The following PLS3 variants were observed in gnomAD, a reference collection of about 807,000 sequenced individuals.
PLS3 encodes the protein plastin-3.
In PLS3, 11 loss-of-function variants were observed where a neutral mutation model predicts 46.5. The ratio of observed to expected loss-of-function variants is 0.24; its 90% CI spans 0.15 to 0.39. PLS3 has a LOEUF of 0.39. Ranked by LOEUF, PLS3 falls within the 10% of genes least tolerant of loss-of-function variation. PLS3 has a pLI of 1.00. For synonymous variants in PLS3, 167 were observed against 162.2 expected, an observed-to-expected ratio of 1.03 and a Z score of -0.22; for missense variants, 308 against 461.8, an observed-to-expected ratio of 0.67 and a Z score of 3.05.
intron 1 of PLS3, among the ~76,000 whole-genome samples, chrX:115,599,903 T>TA (rs1556634351): frequency 9.0e-6 from 1 of 111,020 alleles, no homozygotes; most frequent in African/African-American, 3.3e-5. Context: ...GTGCTGAGAT[T>TA]ACAGGCATGA....
intron 7 of PLS3, among the ~76,000 whole-genome samples, chrX:115,636,170 C>A (rs1444681895): frequency 1.8e-5 from 2 of 110,169 alleles, no homozygotes; most frequent in African/African-American, 6.6e-5. Flanking sequence ...GTAAAAGATT[C>A]CCAAATTGTA....
At chrX:115,607,580 C>T (rs1399843601) in intron 1 of PLS3, among the ~76,000 whole-genome samples, 4 of 109,089 alleles carry the variant, frequency 3.7e-5, no homozygotes, top group African/African-American at 1.0e-4. Flanking sequence ...CTCACTGCAA[C>T]CTCTACCTCC....
chrX:115,643,173 TGCATTCAAAACAA>T, intron 9 of PLS3, 127 bp from the exon 10 acceptor site: 4 of 441,425 alleles, frequency 9.1e-6, no homozygotes, highest in African/African-American at 2.4e-5. Flanking sequence ...CCTTTTTTTT[TGCATTCAAAACAA>T]TTTTATAATA....
intron 1 of PLS3, among the ~76,000 whole-genome samples, chrX:115,598,838 C>A (rs2147461240): frequency 9.0e-6 from 1 of 111,149 alleles, no homozygotes; most frequent in East Asian, 2.9e-4. Flanking sequence ...GCTTTTTTTT[C>A]AGAATATTGC....
intron 1 of PLS3, among the ~76,000 whole-genome samples, chrX:115,600,434 G>A (rs1212745215): frequency 1.8e-5 from 2 of 111,432 alleles, no homozygotes; most frequent in African/African-American, 3.3e-5. Flanking sequence ...GCCTCAGTTG[G>A]TATATTTTGT....
chrX:115,593,331 T>C (rs1305779408), intron 1 of PLS3, among the ~76,000 whole-genome samples: 2 of 109,122 alleles, frequency 1.8e-5, no homozygotes, highest in African/African-American at 6.7e-5. Flanking sequence ...TATATGATTT[T>C]GGGGAAAAAA....
intron 1 of PLS3, among the ~76,000 whole-genome samples, chrX:115,569,890 A>G (rs116188354): frequency 0.036 from 4,034 of 111,618 alleles, 175 homozygotes; most frequent in African/African-American, 0.12. Flanking sequence ...CACAGTCAGA[A>G]TGGATTTTAG....
chrX:115,562,337 C>T lies in PLS3; in HGVS notation c.-9+1077C>T, dbSNP rs192445903. ...GCTCCGGGACGTAAGATGATCCCAG[C>T]CCGGGAGGTGGAGTGGGGGTTAATG... On this transcript the variant is annotated intron_variant, in intron 1 of 15. Coordinates refer to ENST00000355899, the MANE Select transcript of PLS3 (RefSeq NM_005032.7). 7.5e-3 allele frequency: 846 copies of T among 112,116 alleles called. 13 individuals are homozygous for T. Among genetic ancestry groups the T allele is most frequent in the African/African-American group, 0.025 (773 of 30,873 alleles). 9.2% of individuals were successfully genotyped at this position (112,116 alleles called of 1,213,427 possible).
intron 1 of PLS3, among the ~76,000 whole-genome samples, chrX:115,606,878 G>A (rs2074498719): frequency 9.0e-6 from 1 of 110,844 alleles, no homozygotes; most frequent in South Asian, 3.8e-4. Context: ...ATGTTTCCCA[G>A]GCTTGTCTTG....
chrX:115,643,324 T>C lies in PLS3; in HGVS notation c.999T>C (p.Asp333=). 8.4e-7 allele frequency: 1 copy of C among 1,190,119 alleles called. No individual in the cohort carries two copies. Among genetic ancestry groups the C allele is most frequent in the African/African-American group, 1.7e-5 (1 of 57,304 alleles). Residue 333 remains aspartate, a synonymous_variant, in exon 10 of 16, where the codon GAT becomes GAC. Transcript: ENST00000355899. The stretch of plus-strand genomic sequence containing the variant: ...TTTTGTTTCAACAGGAAACAGATGA[T>C]TTGAAGAGAGCTGAGAGTATGCTTC... ...INMSGFNETD[D]LKRAESMLQQ...
rs782183344 is a variant in PLS3 at position 115,648,121 on chromosome X, G to A, written c.1760+104G>A. On this transcript the variant is annotated intron_variant, in intron 15 of 15. Coordinates refer to ENST00000355899, the MANE Select transcript of PLS3 (RefSeq NM_005032.7). The stretch of plus-strand genomic sequence containing the variant: ...ATTTAAGAGTGGTGTCACCTTGGGA[G>A]AAACCTCTTGGAGCCTCAGATTCCT... 1.9e-5 allele frequency: 11 copies of A among 572,222 alleles called. No homozygotes were observed. In the South Asian group the frequency reaches 3.3e-4, roughly 17 times the overall value. The allele number at this position is 572,222 out of a possible 1,213,427, so 47.2% of individuals were successfully genotyped here.
chrX:115,641,463 G>T (rs2074895474), intron 9 of PLS3, among the ~76,000 whole-genome samples: 1 of 110,381 alleles, frequency 9.1e-6, no homozygotes, highest in Non-Finnish European at 1.9e-5. Flanking sequence ...CTGACCTCAG[G>T]TGATCCACTC....
At chrX:115,624,105 T>C (rs2074685367) in intron 3 of PLS3, among the ~76,000 whole-genome samples, 1 of 109,181 alleles carries the variant, frequency 9.2e-6, no homozygotes, top group African/African-American at 3.4e-5. Context: ...GGTGCGTGCC[T>C]GTAATCCCAG....
chrX:115,648,974 G>C (rs782697432), intron 15 of PLS3, among the ~76,000 whole-genome samples: 27 of 111,135 alleles, frequency 2.4e-4, no homozygotes, highest in Non-Finnish European at 4.3e-4. Flanking sequence ...CACGTAGACT[G>C]TCTCCCCTCT....
At chrX:115,629,487 G>A (rs1490142760) in intron 4 of PLS3, among the ~76,000 whole-genome samples, 160 bp downstream of exon 4, 2 of 111,872 alleles carry the variant, frequency 1.8e-5, no homozygotes, top group Non-Finnish European at 3.8e-5. Flanking sequence ...TTGTCATAAA[G>A]GCATTATAAG....
intron 3 of PLS3, among the ~76,000 whole-genome samples, chrX:115,625,136 T>C (rs1372861263): frequency 1.8e-5 from 2 of 111,880 alleles, no homozygotes; most frequent in Non-Finnish European, 3.8e-5. Context: ...AGCTTAGTTA[T>C]CCAAGAAATA....
rs782385940 is a variant in PLS3, at chrX:115,649,901, TC to T, written c.*341del. 66 of 139,758 alleles carry T rather than the reference TC, an allele frequency of 4.7e-4. No homozygotes were observed. Among genetic ancestry groups the T allele is most frequent in the African/African-American group, 1.9e-3 (62 of 32,643 alleles). The allele number at this position is 139,758 out of a possible 1,213,427, so 11.5% of individuals were successfully genotyped here. A position where few individuals can be genotyped will look rare whatever the true frequency, so the allele number is the denominator to read the frequency against. ...CTTTTGCCCTCTTAGAATGTCCCTC[TC>T]TTGGGACTTGCTTAGATGATGGGAT... On this transcript the variant is annotated 3_prime_UTR_variant, in exon 16 of 16. Transcript: ENST00000355899.
chrX:115,576,109 CT>C lies in PLS3; in HGVS notation c.-9+14850del, dbSNP rs782793751. 3.7e-4 allele frequency among the ~76,000 whole-genome samples: 41 copies of C among 112,117 alleles called. No individual in the cohort carries two copies. The East Asian group carries it at 0.011, about 31-fold the overall frequency. ...TATCCATATAGAACAAAATTCAAAACTCACAAAGGGCCATAATGATAAGTAA... is the reference window on the plus strand; with the variant it reads ...TATCCATATAGAACAAAATTCAAAACCACAAAGGGCCATAATGATAAGTAA... On this transcript the variant is annotated intron_variant, in intron 1 of 15. Transcript: ENST00000355899.
chrX:115,643,253 G>A (rs1207455806), intron 9 of PLS3, 60 bp from the exon 10 acceptor site: 1 of 736,300 alleles, frequency 1.4e-6, no homozygotes, highest in Non-Finnish European at 2.1e-6. Flanking sequence ...ATGACAGTGG[G>A]GAAATTTTCT....
Sources: allele counts gnomAD v4.1 joint callset (sites outside exome capture counted in the v4.1 genomes callset), GRCh38; gene constraint gnomAD v4.1.1; transcripts MANE v1.5; gene names NCBI Gene and HGNC (gene_info 2026-07-23, HGNC 2026-07-21).